The following LRP1 variants were observed in gnomAD, a reference collection of about 807,000 sequenced individuals.
LRP1 encodes prolow-density lipoprotein receptor-related protein 1.
LRP1 carries 51 observed loss-of-function variants against 541.5 expected under a neutral mutation model. That is an observed-to-expected ratio of 0.09 (90% CI 0.08 to 0.12). The LOEUF (loss-of-function observed/expected upper bound fraction) is 0.12. Among genes scored for constraint, LRP1 ranks in the 10% least tolerant of loss-of-function variants. The pLI, the probability that LRP1 is intolerant of heterozygous loss-of-function variation, is 1.00. For missense variants in LRP1, 3,878 were observed against 6,376.2 expected, an observed-to-expected ratio of 0.61 and a Z score of 13.34; for synonymous variants, 2,219 against 2,470.8, an observed-to-expected ratio of 0.90 and a Z score of 3.02.
chr12:57,153,112 T>G (rs1317927845), intron 6 of LRP1, among the ~76,000 whole-genome samples: 1 of 152,168 alleles, frequency 6.6e-6, no homozygotes, highest in Non-Finnish European at 1.5e-5. Flanking sequence ...GGGGAAACTG[T>G]TGGAGATGGA....
Position 57,189,233 on chromosome 12 carries a change from G to T in LRP1, c.7032-1572G>T, listed in dbSNP as rs147269528. ...GTGTCACATGGAGGAGTTTGTTGAC[G>T]CCAGGAGGAAAACCACTTCTCACTG... is the stretch of plus-strand genomic sequence containing the variant. On this transcript the variant is annotated intron_variant, in intron 42 of 88. Transcript: ENST00000243077. This position sits in a 1 kb window ranked among gnomAD's most constrained non-coding sequence, Gnocchi z 4.4. Among the ~76,000 whole-genome samples, 2 of 152,276 alleles carry T rather than the reference G, an allele frequency of 1.3e-5. No individual in the cohort carries two copies. The highest frequency in any genetic ancestry group is 3.9e-4 in the East Asian group (2 of 5,178).
chr12:57,153,136 G>T (rs948640158), intron 6 of LRP1, among the ~76,000 whole-genome samples: 2 of 152,154 alleles, frequency 1.3e-5, no homozygotes, highest in Non-Finnish European at 2.9e-5. Context: ...CCAGGCAGGG[G>T]TCCCAGAAAG....
intron 1 of LRP1, among the ~76,000 whole-genome samples, chr12:57,129,432 G>T (rs2034991520): frequency 1.3e-5 from 2 of 151,960 alleles, no homozygotes; most frequent in South Asian, 4.1e-4. Flanking sequence ...TGCAAAAGGG[G>T]GTGGGGGTGG....
At chr12:57,142,035 G>C (rs2035302732) in intron 3 of LRP1, among the ~76,000 whole-genome samples, 1 of 152,158 alleles carries the variant, frequency 6.6e-6, no homozygotes, top group South Asian at 2.1e-4. Context: ...TGACAGTCTA[G>C]ACTGTCTGAG....
rs1461614851 is a variant in LRP1, at chr12:57,180,895, G to C, written c.5527+88G>C. The C allele has an allele frequency of 1.9e-6, 3 of 1,552,404 alleles. No homozygotes were observed. The African/African-American group carries it at 4.1e-5, about 21-fold the overall frequency. ...CAGGCTGCAGGGCCATGGGGCAAGG[G>C]AGTAAGTGGGTTAGGCTGTACCCAC... On this transcript the variant is annotated intron_variant, in intron 33 of 88. Transcript: ENST00000243077.
intron 82 of LRP1, 83 bp downstream of exon 82, chr12:57,210,563 C>T: frequency 6.9e-7 from 1 of 1,452,568 alleles, no homozygotes; most frequent in Non-Finnish European, 9.3e-7. Flanking sequence ...AGGCAAATGC[C>T]CAGCCCCTGC....
In LRP1 at chr12:57,179,831, G is replaced by A. The variant is rs754633965; in HGVS notation, c.5016G>A (p.Leu1672=). The A allele has an allele frequency of 3.7e-6, 6 of 1,614,172 alleles. No individual in the cohort carries two copies. Among genetic ancestry groups the A allele is most frequent in the African/African-American group, 1.3e-5 (1 of 75,060 alleles). Residue 1672 remains leucine, a synonymous_variant, in exon 30 of 89, where the codon CTG becomes CTA. Transcript: ENST00000243077. This position sits in a 1 kb window ranked among gnomAD's most constrained non-coding sequence, Gnocchi z 6.8. Reference sequence around the variant, plus strand: ...CTGTGGACTGGGTCTCCCGAAACCTGTTCTGGACAAGCTATGACACCAATA... The same window carrying A: ...CTGTGGACTGGGTCTCCCGAAACCTATTCTGGACAAGCTATGACACCAATA... ...GLAVDWVSRN[L]FWTSYDTNKK...
At chr12:57,186,479 A>G (rs988036370) in intron 41 of LRP1, among the ~76,000 whole-genome samples, 2 of 152,104 alleles carry the variant, frequency 1.3e-5, no homozygotes, top group Non-Finnish European at 2.9e-5. Context: ...CCCTTGACTC[A>G]TTCATTTGCT....
At chr12:57,160,785 A>C (rs1179995687) in intron 12 of LRP1, 108 bp from the exon 13 acceptor site, 1 of 747,710 alleles carries the variant, frequency 1.3e-6, no homozygotes, top group Non-Finnish European at 2.3e-6. Context: ...TGAGCAGGAC[A>C]GGAGACCCCT....
chr12:57,179,204 G>T lies in LRP1; in HGVS notation c.4739-125G>T, dbSNP rs1049610273. ...TGCCAGGGGGGCTGCACCCAGCGGG[G>T]TATGTCCACGGAGCCAAGGGCCAGT... On this transcript the variant is annotated intron_variant, in intron 28 of 88. Coordinates refer to ENST00000243077, the MANE Select transcript of LRP1 (RefSeq NM_002332.3). This position sits in a 1 kb window ranked among gnomAD's most constrained non-coding sequence, Gnocchi z 6.8. 9.5e-6 allele frequency: 11 copies of T among 1,160,584 alleles called. No individual in the cohort carries two copies. The East Asian group carries it at 1.0e-4, about 11-fold the overall frequency. The allele number at this position is 1,160,584 out of a possible 1,614,324, so 71.9% of individuals were successfully genotyped here.
chr12:57,212,476 A>C lies in LRP1; in HGVS notation c.13556A>C (p.His4519Pro). The change falls in exon 89 of 89, where the codon CAC becomes CCC. Residue 4519 changes from histidine (H) to proline (P), a missense_variant. His to Pro is a moderately conservative substitution (Grantham distance 77, BLOSUM62 -2). Transcript: ENST00000243077. The surrounding 1 kb of genome is among the most constrained non-coding windows in gnomAD (Gnocchi z 5.0). Reference protein sequence around the residue: ...TLYMGGHGSRHSLASTDEKRE... With the variant: ...TLYMGGHGSRPSLASTDEKRE... ...TACATGGGGGGCCATGGCAGTCGCCACTCCCTGGCCAGCACGGACGAGAAG... is the reference window on the plus strand; with the variant it reads ...TACATGGGGGGCCATGGCAGTCGCCCCTCCCTGGCCAGCACGGACGAGAAG... 6.2e-7 allele frequency: 1 copy of C among 1,613,836 alleles called. No homozygotes were observed. The highest frequency in any genetic ancestry group is 1.1e-5 in the South Asian group (1 of 91,056).
chr12:57,193,050 A>G (rs2036450231), intron 45 of LRP1, 80 bp downstream of exon 45: 1 of 1,587,298 alleles, frequency 6.3e-7, no homozygotes, highest in Admixed American at 1.7e-5. Flanking sequence ...TACATGCTCC[A>G]GCCCAGCCCC....
intron 31 of LRP1, 54 bp from the exon 32 acceptor site, chr12:57,180,276 C>T (rs764785603): frequency 3.4e-5 from 55 of 1,605,924 alleles, no homozygotes; most frequent in Middle Eastern, 1.7e-4. Context: ...TGCTCCCTTC[C>T]CTGGATCCCC....
chr12:57,156,353 A>G lies in LRP1; in HGVS notation c.1417+70A>G. 6.7e-7 allele frequency: 1 copy of G among 1,499,566 alleles called. No homozygotes were observed. The allele number at this position is 1,499,566 out of a possible 1,614,324, so 92.9% of individuals were successfully genotyped here. On this transcript the variant is annotated intron_variant, in intron 9 of 88. Transcript: ENST00000243077. The surrounding 1 kb of genome is among the most constrained non-coding windows in gnomAD (Gnocchi z 5.2). The stretch of plus-strand genomic sequence containing the variant: ...GATGGCTCTGGGACCTTGGGATCAC[A>G]GCCCCTCTCTGGGCCCTCCTGTGGG...
intron 15 of LRP1, among the ~76,000 whole-genome samples, chr12:57,163,712 T>C (rs973258786): frequency 6.6e-6 from 1 of 152,200 alleles, no homozygotes; most frequent in Non-Finnish European, 1.5e-5. Flanking sequence ...ACCATTCTTT[T>C]TTCCTCAGGG....
In LRP1 at chr12:57,187,465, CT is replaced by C; in HGVS notation, c.7031+10del. 1 of 1,609,726 alleles carries C rather than the reference CT, an allele frequency of 6.2e-7. No individual in the cohort carries two copies. The highest frequency in any genetic ancestry group is 8.5e-7 in the Non-Finnish European group (1 of 1,177,622). On this transcript the variant is annotated intron_variant, in intron 42 of 88. Transcript: ENST00000243077. ...TTGGACGAGTGCCAGAAGTGAGCTG[CT>C]GCCTGGGGATGGGGGTAGCAGGGAG...
chr12:57,131,643 CGTT>C lies in LRP1; in HGVS notation c.67+2615_67+2617del, dbSNP rs771617333. On this transcript the variant is annotated intron_variant, in intron 1 of 88. Transcript: ENST00000243077. ...ACATCCTAAACGTCTCCCTTTGCCT[CGTT>C]GTCTTTTAAAGCAAGAATGTGTAAG... Among the ~76,000 whole-genome samples the C allele has an allele frequency of 2.0e-5, 3 of 152,270 alleles. No homozygotes were observed. The South Asian group carries it at 6.2e-4, about 32-fold the overall frequency.
intron 24 of LRP1, 78 bp downstream of exon 24, chr12:57,176,184 T>A: frequency 1.4e-6 from 2 of 1,470,896 alleles, no homozygotes; most frequent in Non-Finnish European, 1.9e-6. Flanking sequence ...CCCATCCAAG[T>A]GGCCCCAAAG....
Position 57,184,680 on chromosome 12 carries a change from C to T in LRP1, c.6187-159C>T, listed in dbSNP as rs891788042. Among the ~76,000 whole-genome samples the T allele has an allele frequency of 1.3e-5, 2 of 152,050 alleles. No individual in the cohort carries two copies. Among genetic ancestry groups the T allele is most frequent in the African/African-American group, 4.8e-5 (2 of 41,394 alleles). On this transcript the variant is annotated intron_variant, in intron 38 of 88. Coordinates refer to ENST00000243077, the MANE Select transcript of LRP1 (RefSeq NM_002332.3). The surrounding 1 kb of genome is among the most constrained non-coding windows in gnomAD (Gnocchi z 7.8). The stretch of plus-strand genomic sequence containing the variant: ...GAGAGATGCCTGGAGGTCACCTTAT[C>T]AGCAGGGCAGTGGGCAGGAGTGTAT...
Sources: allele counts gnomAD v4.1 joint callset (sites outside exome capture counted in the v4.1 genomes callset), GRCh38; gene constraint gnomAD v4.1.1; non-coding constraint Gnocchi (gnomAD v3.1); transcripts MANE v1.5; gene names NCBI Gene and HGNC (gene_info 2026-07-23, HGNC 2026-07-21).